IGF2R: variants seen among roughly 807,000 people sequenced by gnomAD.
The protein encoded by IGF2R is insulin like growth factor 2 receptor.
A neutral mutation model predicts 270.6 loss-of-function variants in IGF2R; 91 were observed. The observed-to-expected ratio is 0.34, with a 90% CI of 0.28 to 0.40. The LOEUF (loss-of-function observed/expected upper bound fraction) is 0.40. Ranked by LOEUF, IGF2R falls within the 10% of genes least tolerant of loss-of-function variation. IGF2R has a pLI of 1.00. For missense variants in IGF2R, 2,805 were observed against 3,188.3 expected, an observed-to-expected ratio of 0.88 and a Z score of 2.90; for synonymous variants, 1,316 against 1,258.9, an observed-to-expected ratio of 1.05 and a Z score of -0.96.
intron 22 of IGF2R, among the ~76,000 whole-genome samples, chr6:160,059,320 G>A (rs953840537): frequency 7.2e-5 from 11 of 152,208 alleles, no homozygotes; most frequent in Admixed American, 7.2e-4. Flanking sequence ...CACATGGTCC[G>A]AAAATAATAA....
At chr6:160,006,453 G>A (rs1231142380) in intron 2 of IGF2R, 1 of 153,218 alleles carries the variant, frequency 6.5e-6, no homozygotes, top group Non-Finnish European at 1.5e-5. Flanking sequence ...AGCTGTCCAG[G>A]CGCGGGAGCT....
chr6:160,072,637 A>G (rs1778767418), intron 32 of IGF2R, 128 bp from the exon 33 acceptor site: 1 of 921,870 alleles, frequency 1.1e-6, no homozygotes, highest in African/African-American at 1.6e-5. Flanking sequence ...AGGATTTAGG[A>G]CAGGGGTCGT....
chr6:160,008,663 G>A (rs1181526670), intron 2 of IGF2R, among the ~76,000 whole-genome samples: 1 of 152,162 alleles, frequency 6.6e-6, no homozygotes, highest in African/African-American at 2.4e-5. Context: ...GGCTGGCGAG[G>A]GATGAGACTA....
chr6:160,089,809 A>T (rs1284022365), intron 43 of IGF2R, 107 bp from the exon 44 acceptor site: 2 of 708,200 alleles, frequency 2.8e-6, no homozygotes, highest in Non-Finnish European at 4.4e-6. Flanking sequence ...TTCCCTAGGA[A>T]AGGAAGCATC....
At chr6:160,095,734 G>A (rs568177651) in intron 44 of IGF2R, 4 of 152,538 alleles carry the variant, frequency 2.6e-5, no homozygotes, top group African/African-American at 9.6e-5. Context: ...GAATCAGGCT[G>A]TTGCCATCCT....
chr6:159,991,371 A>G (rs200853235), intron 2 of IGF2R, 48 bp downstream of exon 2: 260 of 1,582,422 alleles, frequency 1.6e-4, no homozygotes, highest in Admixed American at 3.8e-4. Context: ...TGATTCCCCA[A>G]TTTTGCAAAA....
intron 16 of IGF2R, among the ~76,000 whole-genome samples, 200 bp from the exon 17 acceptor site, chr6:160,047,592 C>G (rs1778097695): frequency 6.6e-6 from 1 of 152,176 alleles, no homozygotes; most frequent in Non-Finnish European, 1.5e-5. Context: ...GAATTAACCC[C>G]CACTTAGCAG....
chr6:160,012,765 T>TATATATATATATATATATATATATATA (rs1562343074), intron 4 of IGF2R, among the ~76,000 whole-genome samples: 7 of 76,556 alleles, frequency 9.1e-5, no homozygotes, highest in East Asian at 5.9e-4. Context: ...ATATATATAT[T>TATATATATATATATATATATATATATA]TTTTTTTTTT....
In IGF2R at chr6:160,004,187, G is replaced by A. The variant is rs1784176547; in HGVS notation, c.290-4823G>A. 6.6e-6 allele frequency: 1 copy of A among 152,214 alleles called. No individual in the cohort carries two copies. The highest frequency in any genetic ancestry group is 2.4e-5 in the African/African-American group (1 of 41,406). 9.4% of individuals were successfully genotyped at this position (152,214 alleles called of 1,614,324 possible). On this transcript the variant is annotated intron_variant, in intron 2 of 47. Transcript: ENST00000356956. This position sits in a 1 kb window ranked among gnomAD's most constrained non-coding sequence, Gnocchi z 5.2. ...AGAGGAAGACTTGCTTGAGCACATC[G>A]GGAAGTAGGACAGGAAGGGTTCTCT...
intron 4 of IGF2R, among the ~76,000 whole-genome samples, chr6:160,012,763 A>ATATT (rs1468922393): frequency 3.1e-5 from 4 of 128,056 alleles, no homozygotes; most frequent in African/African-American, 5.9e-5. Context: ...ATATATATAT[A>ATATT]TTTTTTTTTT....
At position 160,038,379 on chromosome 6, in the gene IGF2R, A is replaced by G. The variant is rs1033466953; in HGVS notation, c.1316-2181A>G. Among the ~76,000 whole-genome samples, 3 of 152,248 alleles carry G rather than the reference A, an allele frequency of 2.0e-5. No homozygotes were observed. In the South Asian group the frequency reaches 6.2e-4, roughly 31 times the overall value. On this transcript the variant is annotated intron_variant, in intron 10 of 47. Transcript: ENST00000356956. ...GGGGAGCACAGCTTACTGTTCTGCT[A>G]AAATTCTTTGAGGAATTAAGTAAGA...
At chr6:159,987,536 C>CAT (rs1397487602) in intron 1 of IGF2R, among the ~76,000 whole-genome samples, 2 of 152,148 alleles carry the variant, frequency 1.3e-5, no homozygotes, top group Non-Finnish European at 1.5e-5. Context: ...GGACTATAGG[C>CAT]GTGCACCACC....
At chr6:159,990,627 T>G (rs543038943) in intron 1 of IGF2R, among the ~76,000 whole-genome samples, 1 of 152,134 alleles carries the variant, frequency 6.6e-6, no homozygotes, top group Admixed American at 6.5e-5. Flanking sequence ...TGGTAAGATA[T>G]TTCTTTTTTT....
chr6:159,989,228 C>G (rs1562334064), intron 1 of IGF2R, among the ~76,000 whole-genome samples: 1 of 152,122 alleles, frequency 6.6e-6, no homozygotes, highest in African/African-American at 2.4e-5. Context: ...CCTAGGAGTT[C>G]TTGGCGCCTC....
chr6:160,013,834 C>G (rs888022410), intron 4 of IGF2R, among the ~76,000 whole-genome samples: 1 of 152,070 alleles, frequency 6.6e-6, no homozygotes, highest in African/African-American at 2.4e-5. Context: ...CTTAATAAAG[C>G]GTATGCCCTT....
chr6:160,073,216 C>T lies in IGF2R; in HGVS notation c.4694C>T (p.Ala1565Val). ...CCGCCTTTCCCTTGTGGTGCAGGGG[C>T]CTGCTTTGGACAGACCAGGATTAGC... ...ENENCPPGVG[A>V]CFGQTRISVG... Residue 1565 changes from alanine (A) to valine (V), a missense_variant, in exon 34 of 48, where the codon GCC (alanine) becomes GTC (valine). Physicochemically the swap from Ala to Val is moderately conservative, Grantham distance 64. This residue lies in a region of IGF2R where 1,851 missense variants were observed against 2,207.2 expected (regional missense o/e 0.84). Transcript: ENST00000356956. 1 of 1,613,764 alleles carries T rather than the reference C, an allele frequency of 6.2e-7. No homozygotes were observed. The highest frequency in any genetic ancestry group is 1.3e-5 in the African/African-American group (1 of 75,056).
intron 2 of IGF2R, among the ~76,000 whole-genome samples, chr6:159,995,144 G>T (rs1237857491): frequency 6.6e-6 from 1 of 151,804 alleles, no homozygotes; most frequent in African/African-American, 2.4e-5. Context: ...TTGTATTTAG[G>T]ATGGTTATAT....
chr6:160,087,750 A>G (rs1263549101), intron 41 of IGF2R, among the ~76,000 whole-genome samples: 6 of 152,152 alleles, frequency 3.9e-5, no homozygotes, highest in African/African-American at 1.4e-4. Context: ...ATCTTGGCTC[A>G]CTGCAACTTC....
intron 13 of IGF2R, among the ~76,000 whole-genome samples, chr6:160,045,301 C>T (rs1205236253): frequency 3.9e-5 from 6 of 152,164 alleles, no homozygotes; most frequent in African/African-American, 7.2e-5. Flanking sequence ...TGAAATATTT[C>T]CTTTGGATAA....
Sources: allele counts gnomAD v4.1 joint callset (sites outside exome capture counted in the v4.1 genomes callset), GRCh38; gene constraint gnomAD v4.1.1; regional missense constraint gnomAD v4.1.1; non-coding constraint Gnocchi (gnomAD v3.1); transcripts MANE v1.5; gene names NCBI Gene and HGNC (gene_info 2026-07-23, HGNC 2026-07-21).